The following RUNX1 variants were observed in gnomAD, a reference collection of about 807,000 sequenced individuals.
RUNX1 encodes the protein RUNX family transcription factor 1, also known as runt-related transcription factor 1.
A neutral mutation model predicts 42.8 loss-of-function variants in RUNX1; 19 were observed. The ratio of observed to expected loss-of-function variants is 0.44; its 90% CI spans 0.31 to 0.65. RUNX1 has a LOEUF of 0.65. Among genes scored for constraint, RUNX1 ranks in the 30% least tolerant of loss-of-function variants. RUNX1 has a pLI of 0.07. For synonymous variants in RUNX1, 271 were observed against 289.4 expected (o/e 0.94, Z 0.64); for missense variants, 528 against 672.0 (o/e 0.79, Z 2.37).
At chr21:34,913,146 T>G (rs369304031) in intron 2 of RUNX1, among the ~76,000 whole-genome samples, 1 of 152,032 alleles carries the variant, frequency 6.6e-6, no homozygotes, top group Non-Finnish European at 1.5e-5. Flanking sequence ...GCAGGAAGAA[T>G]TGCTTGAACC....
intron 2 of RUNX1, among the ~76,000 whole-genome samples, chr21:35,005,257 C>T (rs539336853): frequency 6.6e-6 from 1 of 152,158 alleles, no homozygotes; most frequent in South Asian, 2.1e-4. Context: ...GCATTTTACT[C>T]AGTAAAGACC....
At chr21:34,888,528 A>C in intron 3 of RUNX1, 1 of 1,064,340 alleles carries the variant, frequency 9.4e-7, no homozygotes, top group South Asian at 4.6e-5. Context: ...CAAAAAAAGG[A>C]AGGTCCAACG....
At chr21:34,880,323 C>G (rs1243950089) in intron 5 of RUNX1, among the ~76,000 whole-genome samples, 1 of 152,114 alleles carries the variant, frequency 6.6e-6, no homozygotes, top group Non-Finnish European at 1.5e-5. Flanking sequence ...ACAATTCCTA[C>G]GTTGCATGTT....
At chr21:35,031,289 G>A (rs754275472) in intron 2 of RUNX1, among the ~76,000 whole-genome samples, 9 of 152,120 alleles carry the variant, frequency 5.9e-5, no homozygotes, top group Admixed American at 4.6e-4. Context: ...CAGACGTTGC[G>A]GTGAGCCGAG....
chr21:34,995,118 G>A (rs563715669), intron 2 of RUNX1, among the ~76,000 whole-genome samples: 1 of 152,322 alleles, frequency 6.6e-6, no homozygotes, highest in East Asian at 1.9e-4. Context: ...GCCATGTTGG[G>A]GGACTGAGGG....
At chr21:34,872,602 A>C (rs1278914861) in intron 5 of RUNX1, among the ~76,000 whole-genome samples, 1 of 152,216 alleles carries the variant, frequency 6.6e-6, no homozygotes, top group African/African-American at 2.4e-5. Context: ...CATTTTGATA[A>C]GTTTGTAGGG....
At chr21:35,013,990 T>C (rs2059142831) in intron 2 of RUNX1, among the ~76,000 whole-genome samples, 1 of 152,212 alleles carries the variant, frequency 6.6e-6, no homozygotes, top group Admixed American at 6.5e-5. Flanking sequence ...TTGAGTATGA[T>C]GCCAAATAAA....
At chr21:35,023,799 G>A (rs2059216432) in intron 2 of RUNX1, among the ~76,000 whole-genome samples, 1 of 152,118 alleles carries the variant, frequency 6.6e-6, no homozygotes. Flanking sequence ...AATTGAGGAT[G>A]GGTGGAAGTG....
intron 8 of RUNX1, among the ~76,000 whole-genome samples, chr21:34,796,117 A>T (rs762116113): frequency 4.8e-4 from 73 of 152,218 alleles, no homozygotes; most frequent in Non-Finnish European, 6.8e-4. Context: ...TTTGTCATGG[A>T]CATAAGTACT....
intron 3 of RUNX1, chr21:34,888,231 G>A (rs1224964463): frequency 8.4e-6 from 9 of 1,066,858 alleles, no homozygotes; most frequent in Non-Finnish European, 1.0e-5. Context: ...GAACACCCAC[G>A]AGCGCCGCGT....
Position 34,788,725 on chromosome 21 carries a change from C to G in RUNX1, c.*3410G>C, listed in dbSNP as rs1254305679. On this transcript the variant is annotated 3_prime_UTR_variant, in exon 9 of 9. Transcript: ENST00000675419. The stretch of plus-strand genomic sequence containing the variant: ...ACCTGGCTAAAAACAAAATTCCCAA[C>G]AAACACACAAAAATCCCAAAACAAA... 2 of 233,528 alleles carry G rather than the reference C, an allele frequency of 8.6e-6. No individual in the cohort carries two copies. The highest frequency in any genetic ancestry group is 1.2e-4 in the East Asian group (2 of 16,510). The allele number at this position is 233,528 out of a possible 1,614,324, so 14.5% of individuals were successfully genotyped here. A position where few individuals can be genotyped will look rare whatever the true frequency, so the allele number is the denominator to read the frequency against.
intron 5 of RUNX1, among the ~76,000 whole-genome samples, chr21:34,870,074 C>T (rs531814552): frequency 6.6e-5 from 10 of 152,052 alleles, no homozygotes; most frequent in Non-Finnish European, 1.0e-4. Flanking sequence ...CAGGGCCTGC[C>T]GCATATAACC....
At chr21:34,849,882 G>C (rs1345653100) in intron 6 of RUNX1, among the ~76,000 whole-genome samples, 1 of 151,316 alleles carries the variant, frequency 6.6e-6, no homozygotes, top group African/African-American at 2.4e-5. Flanking sequence ...TGGTGTAAGG[G>C]GGTAGCTTTT....
intron 8 of RUNX1, among the ~76,000 whole-genome samples, chr21:34,798,809 C>T (rs1569008273): frequency 6.6e-6 from 1 of 151,966 alleles, no homozygotes; most frequent in South Asian, 2.1e-4. Context: ...ACTTGAGCAT[C>T]CATGGGTTTT....
chr21:34,853,074 C>G (rs2057446146), intron 6 of RUNX1, among the ~76,000 whole-genome samples: 1 of 152,200 alleles, frequency 6.6e-6, no homozygotes, highest in Non-Finnish European at 1.5e-5. Flanking sequence ...GCAGGTCACT[C>G]CACTTTACCC....
In RUNX1 at chr21:34,882,737, C is replaced by T. The variant is rs1343694515; in HGVS notation, c.352-2024G>A. 8.3e-5 allele frequency among the ~76,000 whole-genome samples: 12 copies of T among 145,034 alleles called. No homozygotes were observed. The South Asian group carries it at 1.1e-3, about 13-fold the overall frequency. ...CGAAAAATGGGCTTGCTTTATTTTG[C>T]TCTTTTTAGTCTCTCACAACAAATT... On this transcript the variant is annotated intron_variant, in intron 4 of 8. Transcript: ENST00000675419.
intron 7 of RUNX1, among the ~76,000 whole-genome samples, chr21:34,803,985 A>G (rs1388737121): frequency 1.3e-5 from 2 of 152,226 alleles, no homozygotes; most frequent in Non-Finnish European, 2.9e-5. Context: ...TCTTGTTTTT[A>G]TAAGAAAAAA....
At chr21:35,000,493 G>A (rs1209901728) in intron 2 of RUNX1, among the ~76,000 whole-genome samples, 1 of 151,936 alleles carries the variant, frequency 6.6e-6, no homozygotes, top group Non-Finnish European at 1.5e-5. Flanking sequence ...GCCCACCTCG[G>A]CCTCCCAAAG....
chr21:35,031,473 T>G (rs1172330461), intron 2 of RUNX1, among the ~76,000 whole-genome samples: 1 of 152,110 alleles, frequency 6.6e-6, no homozygotes, highest in African/African-American at 2.4e-5. Flanking sequence ...AAATTAAAAA[T>G]AGACTACCCT....
Sources: allele counts gnomAD v4.1 joint callset (sites outside exome capture counted in the v4.1 genomes callset), GRCh38; gene constraint gnomAD v4.1.1; transcripts MANE v1.5; gene names NCBI Gene and HGNC (gene_info 2026-07-23, HGNC 2026-07-21).